SBF2: variants seen among roughly 807,000 people sequenced by gnomAD.
The protein encoded by SBF2 is SET binding factor 2, also known as myotubularin-related protein 13.
In SBF2, 112 loss-of-function variants were observed where a neutral mutation model predicts 225.2. The observed-to-expected ratio is 0.50, with a 90% CI of 0.43 to 0.58. The LOEUF is 0.58. Ranked by LOEUF, SBF2 falls within the 20% of genes least tolerant of loss-of-function variation. SBF2 has a pLI of 0.00. For missense variants in SBF2, 1,996 were observed against 2,206.2 expected (o/e 0.90, Z 1.91); for synonymous variants, 763 against 773.3 (o/e 0.99, Z 0.22).
At chr11:9,851,072 G>C (rs889700139) in intron 21 of SBF2, among the ~76,000 whole-genome samples, 5 of 147,084 alleles carry the variant, frequency 3.4e-5, no homozygotes, top group African/African-American at 7.5e-5. Context: ...GGAGGGGGAG[G>C]TTGCAGTGAG....
intron 2 of SBF2, among the ~76,000 whole-genome samples, chr11:10,084,828 G>C (rs1951498251): frequency 6.6e-6 from 1 of 152,174 alleles, no homozygotes; most frequent in Non-Finnish European, 1.5e-5. Context: ...AAATAACTCA[G>C]AAACAGAGTC....
intron 2 of SBF2, among the ~76,000 whole-genome samples, chr11:10,056,052 T>C (rs1176347119): frequency 6.6e-6 from 1 of 152,200 alleles, no homozygotes; most frequent in Non-Finnish European, 1.5e-5. Flanking sequence ...AAAAATACCC[T>C]GCAAACTAAT....
chr11:10,138,103 T>C (rs2135125555), intron 2 of SBF2, among the ~76,000 whole-genome samples: 1 of 152,304 alleles, frequency 6.6e-6, no homozygotes, highest in East Asian at 1.9e-4. Context: ...AATTATCTGG[T>C]AAAATCATCT....
chr11:10,259,477 C>G (rs1000044772), intron 1 of SBF2, among the ~76,000 whole-genome samples: 1 of 152,012 alleles, frequency 6.6e-6, no homozygotes, highest in Admixed American at 6.5e-5. Context: ...TAGAACCTAA[C>G]TAAGAAAAAA....
intron 17 of SBF2, among the ~76,000 whole-genome samples, chr11:9,869,177 C>A (rs1858504796): frequency 6.6e-6 from 1 of 152,086 alleles, no homozygotes; most frequent in Non-Finnish European, 1.5e-5. Context: ...CCACAGGTAA[C>A]CAATTAGTTT....
rs746025762 is a variant in SBF2, at chr11:9,829,435, T to C, written c.3714A>G (p.Leu1238=). The change falls in exon 28 of 40, where the codon TTA becomes TTG. Residue 1238 remains leucine, a synonymous_variant. Coordinates refer to ENST00000256190, the MANE Select transcript of SBF2 (RefSeq NM_030962.4). ...SIEQEKYLQA[L]LNAVSVHQKL... ...TCTGATGGACAGAAACAGCATTCAG[T>C]AAGGCTTGCAAGTATTTCTCTTGTT... is the stretch of plus-strand genomic sequence containing the variant. 3 of 1,613,808 alleles carry C rather than the reference T, an allele frequency of 1.9e-6. No homozygotes were observed. Among genetic ancestry groups the C allele is most frequent in the Non-Finnish European group, 2.5e-6 (3 of 1,179,688 alleles).
Position 9,863,473 on chromosome 11 carries a change from C to G in SBF2, c.1930-5077G>C, listed in dbSNP as rs573456146. Among the ~76,000 whole-genome samples, 99 of 152,266 alleles carry G rather than the reference C, an allele frequency of 6.5e-4. No individual in the cohort carries two copies. The South Asian group carries it at 0.01, about 16-fold the overall frequency. ...TCATTGTCTAAATTGCTGGAGATTT[C>G]CTATCTAGTTCTGGTCCCTGGAATA... On this transcript the variant is annotated intron_variant, in intron 17 of 39. Coordinates refer to ENST00000256190, the MANE Select transcript of SBF2 (RefSeq NM_030962.4).
chr11:9,932,722 T>C (rs554861482), intron 16 of SBF2, among the ~76,000 whole-genome samples: 47 of 152,058 alleles, frequency 3.1e-4, no homozygotes, highest in Admixed American at 3.0e-3. Context: ...ACTGCATCAA[T>C]TAATGGGCAA....
intron 28 of SBF2, among the ~76,000 whole-genome samples, chr11:9,827,598 C>A (rs11042504): frequency 0.015 from 2,254 of 151,742 alleles, 59 homozygotes; most frequent in African/African-American, 0.051. Context: ...CTCACATAAA[C>A]TTCCAGAGAA....
Position 10,119,976 on chromosome 11 carries a change from T to C in SBF2, c.141+73926A>G, listed in dbSNP as rs551436091. Among the ~76,000 whole-genome samples the C allele has an allele frequency of 8.5e-5, 13 of 152,336 alleles. No homozygotes were observed. In the South Asian group the frequency reaches 1.7e-3, roughly 19 times the overall value. On this transcript the variant is annotated intron_variant, in intron 2 of 39. Transcript: ENST00000256190. ...AACATAAAATTTATCATCTCATCCATTGGTAAATGTATAGTTCAGTAGTGT... is the reference window on the plus strand; with the variant it reads ...AACATAAAATTTATCATCTCATCCACTGGTAAATGTATAGTTCAGTAGTGT...
chr11:10,116,051 C>T (rs1178042730), intron 2 of SBF2, among the ~76,000 whole-genome samples: 1 of 152,100 alleles, frequency 6.6e-6, no homozygotes, highest in Non-Finnish European at 1.5e-5. Context: ...CGCCTGTAGT[C>T]CCAGCTACTC....
At chr11:9,833,003 G>A (rs1263674495) in intron 26 of SBF2, among the ~76,000 whole-genome samples, 2 of 152,222 alleles carry the variant, frequency 1.3e-5, no homozygotes, top group Non-Finnish European at 1.5e-5. Flanking sequence ...AAGATCGTAA[G>A]ATTACCAGAT....
At chr11:10,146,467 T>C (rs1591064526) in intron 2 of SBF2, among the ~76,000 whole-genome samples, 2 of 152,102 alleles carry the variant, frequency 1.3e-5, no homozygotes, top group African/African-American at 4.8e-5. Context: ...AAACAAGCAC[T>C]GGGGAAAGGA....
intron 2 of SBF2, among the ~76,000 whole-genome samples, chr11:10,122,187 G>A (rs1006080349): frequency 6.6e-6 from 1 of 152,144 alleles, no homozygotes; most frequent in African/African-American, 2.4e-5. Context: ...TTGTGAAGAA[G>A]GAAAAAGAAA....
intron 2 of SBF2, among the ~76,000 whole-genome samples, chr11:10,116,380 T>A (rs1953138481): frequency 6.6e-6 from 1 of 151,932 alleles, no homozygotes; most frequent in Non-Finnish European, 1.5e-5. Flanking sequence ...GGCATTTAAT[T>A]AAATACAGTG....
At chr11:9,817,768 C>CAAAAAAA (rs1564880660) in intron 28 of SBF2, among the ~76,000 whole-genome samples, 1 of 64,362 alleles carries the variant, frequency 1.6e-5, no homozygotes, top group Non-Finnish European at 2.8e-5. Context: ...AAAAAAAAAA[C>CAAAAAAA]TACAAAAAGA....
chr11:10,235,426 C>G (rs767230452), intron 1 of SBF2, among the ~76,000 whole-genome samples: 1 of 151,688 alleles, frequency 6.6e-6, no homozygotes, highest in Non-Finnish European at 1.5e-5. Context: ...ACTGAAGAGG[C>G]TGAGGCAGGA....
chr11:10,054,251 T>C lies in SBF2; in HGVS notation c.142-11270A>G, dbSNP rs138336110. ...TTTCATTACGTGTAAGATAATATGA[T>C]TGTCTGCCTAGAGAATACATACAAA... is the stretch of plus-strand genomic sequence containing the variant. On this transcript the variant is annotated intron_variant, in intron 2 of 39. Transcript: ENST00000256190. Among the ~76,000 whole-genome samples, 19 of 152,358 alleles carry C rather than the reference T, an allele frequency of 1.2e-4. No individual in the cohort carries two copies. The East Asian group carries it at 3.5e-3, about 28-fold the overall frequency.
intron 14 of SBF2, among the ~76,000 whole-genome samples, 182 bp downstream of exon 14, chr11:9,968,159 G>T (rs1346361715): frequency 6.6e-6 from 1 of 151,814 alleles, no homozygotes; most frequent in African/African-American, 2.4e-5. Flanking sequence ...GCAGTGGTTG[G>T]GTTATGATTA....
Sources: gnomAD v4.1 joint callset for allele counts (sites outside exome capture counted in the v4.1 genomes callset) on GRCh38, gnomAD v4.1.1 for gene constraint, MANE v1.5 for transcripts, NCBI Gene and HGNC (gene_info 2026-07-23, HGNC 2026-07-21) for gene names.